The following BAZ2B variants were observed in gnomAD, a reference collection of about 807,000 sequenced individuals.
BAZ2B encodes the protein bromodomain adjacent to zinc finger domain 2B.
BAZ2B carries 91 observed loss-of-function variants against 246.0 expected under a neutral mutation model. That is an observed-to-expected ratio of 0.37 (90% CI 0.31 to 0.44). BAZ2B has a LOEUF of 0.44. Among genes scored for constraint, BAZ2B ranks in the 20% least tolerant of loss-of-function variants. BAZ2B has a pLI of 1.00. For missense variants in BAZ2B, 2,332 were observed against 2,533.7 expected (o/e 0.92, Z 1.71); for synonymous variants, 855 against 860.0 (o/e 0.99, Z 0.10).
the BAZ2B span, among the ~76,000 whole-genome samples, chr2:159,623,472 TCATAG>T: frequency 6.6e-6 from 1 of 152,056 alleles, no homozygotes; most frequent in Non-Finnish European, 1.5e-5. Context: ...GTAACCTTGC[TCATAG>T]TAAGAGAAAT....
intron 1 of BAZ2B, among the ~76,000 whole-genome samples, chr2:159,590,005 G>C (rs1216463662): frequency 6.6e-6 from 1 of 151,696 alleles, no homozygotes; most frequent in Non-Finnish European, 1.5e-5. Context: ...TGGCCAATGT[G>C]GTGAAACCCC....
At chr2:159,671,226 G>A in the BAZ2B span, among the ~76,000 whole-genome samples, 1 of 152,048 alleles carries the variant, frequency 6.6e-6, no homozygotes, top group African/African-American at 2.4e-5. Context: ...CTCATAAGCT[G>A]TCAAGGTTGA....
intron 13 of BAZ2B, among the ~76,000 whole-genome samples, chr2:159,423,024 G>A (rs1245675525): frequency 6.6e-6 from 1 of 152,028 alleles, no homozygotes; most frequent in African/African-American, 2.4e-5. Context: ...TAGTCAGAAT[G>A]GCTATTGTTG....
intron 2 of BAZ2B, among the ~76,000 whole-genome samples, chr2:159,532,348 C>T (rs1052500073): frequency 7.9e-5 from 12 of 151,962 alleles, no homozygotes; most frequent in African/African-American, 1.5e-4. Context: ...CTATAATATC[C>T]GTACAAATGA....
chr2:159,481,162 A>G lies in BAZ2B; in HGVS notation c.-2-2441T>C, dbSNP rs76598543. ...CCTGAATTTACAAGGTTTAGTTTTA[A>G]GTCTTCTTTTTAAGTTAAATATTAT... On this transcript the variant is annotated intron_variant, in intron 2 of 36. Coordinates refer to ENST00000392783, the MANE Select transcript of BAZ2B (RefSeq NM_013450.4). Among the ~76,000 whole-genome samples the G allele has an allele frequency of 3.0e-4, 46 of 152,146 alleles. 1 individual carries two copies. The highest frequency in any genetic ancestry group is 1.1e-3 in the African/African-American group (45 of 41,562).
chr2:159,553,726 T>C (rs1024268337), intron 2 of BAZ2B, among the ~76,000 whole-genome samples: 2 of 152,070 alleles, frequency 1.3e-5, no homozygotes, highest in African/African-American at 4.8e-5. Flanking sequence ...TTAAAACATA[T>C]ATAAAGTATA....
At chr2:159,706,075 A>C in the BAZ2B span, among the ~76,000 whole-genome samples, 31 of 131,648 alleles carry the variant, frequency 2.4e-4, no homozygotes, top group African/African-American at 9.2e-4. Flanking sequence ...TATTTCTGTA[A>C]ACATATATAA....
intron 6 of BAZ2B, among the ~76,000 whole-genome samples, chr2:159,440,838 A>G (rs2073261717): frequency 6.6e-6 from 1 of 151,902 alleles, no homozygotes; most frequent in South Asian, 2.1e-4. Flanking sequence ...ACTGCTCCAA[A>G]CTAGTTACAA....
At chr2:159,337,907 C>T in intron 31 of BAZ2B, 135 bp from the exon 32 acceptor site, 2 of 768,310 alleles carry the variant, frequency 2.6e-6, no homozygotes, top group Non-Finnish European at 3.8e-6. Context: ...CCTTGTGTTT[C>T]CTAAAACTAG....
Position 159,555,071 on chromosome 2 carries a change from T to G in BAZ2B, c.-3+752A>C, listed in dbSNP as rs1285069124. ...TGTGGTATGTGGTGTATGTGGGGGG[T>G]GTGTGTGTGTGTGTGTGTATTTTTT... On this transcript the variant is annotated intron_variant, in intron 2 of 36. Transcript: ENST00000392783. Among the ~76,000 whole-genome samples the G allele has an allele frequency of 2.0e-4, 4 of 20,226 alleles. No homozygotes were observed. In the African/African-American group the frequency reaches 5.9e-3, roughly 30 times the overall value. The allele number at this position is 20,226 out of a possible 152,430, so 13.3% of individuals were successfully genotyped here. A position where few individuals can be genotyped will look rare whatever the true frequency, so the allele number is the denominator to read the frequency against.
At chr2:159,411,500 T>C (rs1286387179) in intron 14 of BAZ2B, among the ~76,000 whole-genome samples, 2 of 152,250 alleles carry the variant, frequency 1.3e-5, no homozygotes, top group East Asian at 3.8e-4. Flanking sequence ...TTCTGTTAGA[T>C]TTTTAAGTCA....
the BAZ2B span, among the ~76,000 whole-genome samples, chr2:159,636,467 A>G: frequency 1.3e-5 from 2 of 152,208 alleles, no homozygotes; most frequent in Non-Finnish European, 2.9e-5. Flanking sequence ...CTATGCATGG[A>G]GGGGGCTTTT....
At chr2:159,491,487 G>A (rs1426666741) in intron 2 of BAZ2B, among the ~76,000 whole-genome samples, 5 of 151,554 alleles carry the variant, frequency 3.3e-5, no homozygotes, top group South Asian at 2.1e-4. Context: ...TTGGGAGGCC[G>A]AGGCGGGCGG....
chr2:159,387,098 T>C (rs1467462688), intron 21 of BAZ2B, among the ~76,000 whole-genome samples: 2 of 152,166 alleles, frequency 1.3e-5, no homozygotes, highest in Non-Finnish European at 2.9e-5. Flanking sequence ...CATGCATCTG[T>C]GGGCTCTATG....
intron 1 of BAZ2B, among the ~76,000 whole-genome samples, chr2:159,594,691 G>C (rs1252164311): frequency 1.3e-5 from 2 of 151,946 alleles, no homozygotes; most frequent in African/African-American, 4.8e-5. Flanking sequence ...GAGTGCAGTG[G>C]CGTGATTATG....
intron 1 of BAZ2B, among the ~76,000 whole-genome samples, chr2:159,572,716 A>G (rs1243227832): frequency 6.6e-6 from 1 of 152,166 alleles, no homozygotes; most frequent in Non-Finnish European, 1.5e-5. Flanking sequence ...GCTTGCTTTT[A>G]TATTTTACAA....
At chr2:159,379,028 G>A (rs897239199) in intron 25 of BAZ2B, among the ~76,000 whole-genome samples, 4 of 152,258 alleles carry the variant, frequency 2.6e-5, no homozygotes, top group African/African-American at 7.2e-5. Context: ...TCAGGATATT[G>A]AAGTATTTGT....
chr2:159,624,711 A>G, the BAZ2B span, among the ~76,000 whole-genome samples: 2 of 152,200 alleles, frequency 1.3e-5, no homozygotes, highest in Admixed American at 1.3e-4. Context: ...AGATAAATCC[A>G]TGAAGATGGG....
chr2:159,449,384 C>T (rs1415803513), intron 4 of BAZ2B, among the ~76,000 whole-genome samples: 2 of 151,558 alleles, frequency 1.3e-5, no homozygotes, highest in African/African-American at 4.9e-5. Context: ...ACTGTGACAA[C>T]CATAAGAACA....
Sources: allele counts gnomAD v4.1 joint callset (sites outside exome capture counted in the v4.1 genomes callset), GRCh38; gene constraint gnomAD v4.1.1; transcripts MANE v1.5; gene names NCBI Gene and HGNC (gene_info 2026-07-23, HGNC 2026-07-21).